KLHL35: variants seen among roughly 807,000 people sequenced by gnomAD.
KLHL35 encodes kelch-like protein 35.
A neutral mutation model predicts 44.0 loss-of-function variants in KLHL35; 50 were observed. The ratio of observed to expected loss-of-function variants is 1.14; its 90% CI spans 0.91 to 1.44. The LOEUF (loss-of-function observed/expected upper bound fraction) is 1.44. Ranked by LOEUF, KLHL35 falls within the 40% of genes most tolerant of loss-of-function variation. The pLI is 0.00. For missense variants in KLHL35, 1,049 were observed against 887.8 expected, an observed-to-expected ratio of 1.18 and a Z score of -2.31; for synonymous variants, 470 against 410.4, an observed-to-expected ratio of 1.15 and a Z score of -1.76.
rs1227015815 is a variant in KLHL35, at chr11:75,423,749, G to A, written c.1506C>T (p.Phe502=). The part of the protein sequence containing the change: ...YVMGGLMSKI[F]TYDPGTDVWG... ...ACACATCTGTGCCTGGATCATAGGT[G>A]AAGATTTTGCTCATGAGACCCCCCA... is the stretch of plus-strand genomic sequence containing the variant. The change falls in exon 6 of 7, where the codon TTC becomes TTT. Residue 502 remains phenylalanine (F), a synonymous_variant. Transcript: ENST00000539798. 1.2e-6 allele frequency: 2 copies of A among 1,613,888 alleles called. No homozygotes were observed. Among genetic ancestry groups the A allele is most frequent in the Non-Finnish European group, 1.7e-6 (2 of 1,179,854 alleles).
chr11:75,425,261 G>A, intron 5 of KLHL35, 132 bp downstream of exon 5: 1 of 985,620 alleles, frequency 1.0e-6, no homozygotes, highest in South Asian at 1.9e-5. Flanking sequence ...AAACATGGAG[G>A]TGACTGGTCT....
At chr11:75,432,956 C>T (rs889418281) in intron 1 of KLHL35, among the ~76,000 whole-genome samples, 87 bp downstream of exon 1, 25 of 152,224 alleles carry the variant, frequency 1.6e-4, no homozygotes, top group Non-Finnish European at 2.9e-4. Context: ...GCACCTCCTC[C>T]GCATCCTCCC....
At chr11:75,431,483 A>T (rs1948536527) in intron 1 of KLHL35, among the ~76,000 whole-genome samples, 1 of 152,078 alleles carries the variant, frequency 6.6e-6, no homozygotes, top group Admixed American at 6.5e-5. Flanking sequence ...GGAGTCAGGG[A>T]GGGCGTCCCT....
At position 75,425,406 on chromosome 11, in the gene KLHL35, A is replaced by T. The variant is rs908650826; in HGVS notation, c.1361T>A (p.Val454Asp). The T allele has an allele frequency of 1.9e-6, 3 of 1,555,510 alleles. No individual in the cohort carries two copies. Among genetic ancestry groups the T allele is most frequent in the African/African-American group, 2.7e-5 (2 of 73,398 alleles). The change falls in exon 5 of 7, where the codon GTC becomes GAC. Residue 454 changes from valine (V) to aspartate (D), a missense_variant. Val to Asp is a radical substitution (Grantham distance 152). Coordinates refer to ENST00000539798, the MANE Select transcript of KLHL35 (RefSeq NM_001039548.3). ...GCCCACGCCCACCTTGTCCGTGTTGACGCCGCCCTGCCTGGCGCCCCCAAT... is the reference window on the plus strand; with the variant it reads ...GCCCACGCCCACCTTGTCCGTGTTGTCGCCGCCCTGCCTGGCGCCCCCAAT... Reference protein sequence around the residue: ...FVIGGARQGGVNTDKVQCFDP... With the variant: ...FVIGGARQGGDNTDKVQCFDP...
intron 3 of KLHL35, chr11:75,426,950 C>T (rs575705162): frequency 9.7e-5 from 24 of 247,146 alleles, no homozygotes; most frequent in African/African-American, 5.0e-4. Context: ...AAGAGGGGGC[C>T]GCTGTACTAA....
At position 75,430,046 on chromosome 11, in the gene KLHL35, G is replaced by A; in HGVS notation, c.584C>T (p.Ala195Val). 5 of 1,410,622 alleles carry A rather than the reference G, an allele frequency of 3.5e-6. No individual in the cohort carries two copies. Among genetic ancestry groups the A allele is most frequent in the East Asian group, 6.3e-5 (2 of 31,768 alleles). 87.4% of individuals were successfully genotyped at this position (1,410,622 alleles called of 1,614,324 possible). A position where few individuals can be genotyped will look rare whatever the true frequency, so the allele number is the denominator to read the frequency against. The change falls in exon 2 of 7, where the codon GCG becomes GTG. Residue 195 changes from alanine (A) to valine (V), a missense_variant. Ala to Val is a moderately conservative substitution (Grantham distance 64). Transcript: ENST00000539798. ...VARHADFLEL[A>V]PDEVVALLAD... ...CAGCAGCGCCACCACCTCGTCAGGC[G>A]CCAGCTCCAGGAAGTCGGCGTGGCG...
In KLHL35 at chr11:75,422,687, C is replaced by T. The variant is rs752066959; in HGVS notation, c.1645G>A (p.Val549Ile). The T allele has an allele frequency of 5.0e-6, 8 of 1,614,036 alleles. No individual in the cohort carries two copies. The highest frequency in any genetic ancestry group is 6.8e-6 in the Non-Finnish European group (8 of 1,179,900). The change falls in exon 7 of 7, where the codon GTC becomes ATC. Residue 549 changes from valine to isoleucine, a missense_variant. Val to Ile is a conservative substitution (Grantham distance 29). Coordinates refer to ENST00000539798, the MANE Select transcript of KLHL35 (RefSeq NM_001039548.3). ...CCACTGCTGGGGTCAAAGGTGAAGA[C>T]CTTATCGGTGCTTTCTCCGCGATCA... ...RDDRGESTDK[V>I]FTFDPSSGQV... is the part of the protein sequence containing the mutation.
Position 75,430,205 on chromosome 11 carries a change from C to G in KLHL35, c.425G>C (p.Cys142Ser), listed in dbSNP as rs992318023. 14 of 1,237,612 alleles carry G rather than the reference C, an allele frequency of 1.1e-5. No individual in the cohort carries two copies. The East Asian group carries it at 1.6e-4, about 14-fold the overall frequency. 76.7% of individuals were successfully genotyped at this position (1,237,612 alleles called of 1,614,324 possible). A position where few individuals can be genotyped will look rare whatever the true frequency, so the allele number is the denominator to read the frequency against. ...CAGGCGGCCCTCGAGAAAGCGCACGCAGGCCTCGCGCAGGCCCGCCACGCC... is the reference window on the plus strand; with the variant it reads ...CAGGCGGCCCTCGAGAAAGCGCACGGAGGCCTCGCGCAGGCCCGCCACGCC... ...RLGVAGLREA[C>S]VRFLEGRLRA... is the part of the protein sequence containing the mutation. The change falls in exon 2 of 7, where the codon TGC (cysteine) becomes TCC (serine). Residue 142 changes from cysteine (C) to serine (S), a missense_variant. Physicochemically the swap from Cys to Ser is moderately radical, Grantham distance 112 (BLOSUM62 -1). Transcript: ENST00000539798.
chr11:75,426,464 C>A, intron 4 of KLHL35, 56 bp downstream of exon 4: 2 of 1,247,020 alleles, frequency 1.6e-6, no homozygotes, highest in Non-Finnish European at 2.2e-6. Context: ...CTCCCTCCAG[C>A]ACATCCACAG....
intron 2 of KLHL35, among the ~76,000 whole-genome samples, chr11:75,429,107 C>T (rs1948513591): frequency 6.6e-6 from 1 of 152,236 alleles, no homozygotes; most frequent in Non-Finnish European, 1.5e-5. Flanking sequence ...CTCCCTCCTC[C>T]TATGACATCC....
At position 75,425,538 on chromosome 11, in the gene KLHL35, C is replaced by T. The variant is rs959550015; in HGVS notation, c.1229G>A (p.Ser410Asn). ...GGAGAAGGGGTCGTAGCGCTCCACG[C>T]TGTGCAGGCGCCTCAGGCCGTCGAA... The part of the protein sequence containing the change: ...GGFDGLRRLH[S>N]VERYDPFSNT... Residue 410 changes from serine (S) to asparagine (N), a missense_variant, in exon 5 of 7, where the codon AGC (serine) becomes AAC (asparagine). Transcript: ENST00000539798. 3.9e-6 allele frequency: 6 copies of T among 1,528,438 alleles called. No homozygotes were observed. Among genetic ancestry groups the T allele is most frequent in the Admixed American group, 2.2e-5 (1 of 44,868 alleles). The allele number at this position is 1,528,438 out of a possible 1,614,324, so 94.7% of individuals were successfully genotyped here.
At position 75,425,540 on chromosome 11, in the gene KLHL35, G is replaced by T; in HGVS notation, c.1227C>A (p.His409Gln). ...AGAAGGGGTCGTAGCGCTCCACGCT[G>T]TGCAGGCGCCTCAGGCCGTCGAAGC... is the stretch of plus-strand genomic sequence containing the variant. ...VGGFDGLRRL[H>Q]SVERYDPFSN... The change falls in exon 5 of 7, where the codon CAC becomes CAA. Residue 409 changes from histidine (H) to glutamine (Q), a missense_variant. His to Gln is a conservative substitution (Grantham distance 24). Transcript: ENST00000539798. 3 of 1,511,184 alleles carry T rather than the reference G, an allele frequency of 2.0e-6. No homozygotes were observed. The highest frequency in any genetic ancestry group is 1.5e-5 in the African/African-American group (1 of 68,896). The allele number at this position is 1,511,184 out of a possible 1,614,324, so 93.6% of individuals were successfully genotyped here.
chr11:75,425,533 C>T lies in KLHL35; in HGVS notation c.1234G>A (p.Glu412Lys). 6.5e-7 allele frequency: 1 copy of T among 1,530,106 alleles called. No individual in the cohort carries two copies. Among genetic ancestry groups the T allele is most frequent in the Non-Finnish European group, 8.7e-7 (1 of 1,147,208 alleles). The allele number at this position is 1,530,106 out of a possible 1,614,324, so 94.8% of individuals were successfully genotyped here. Residue 412 changes from glutamate to lysine, a missense_variant, in exon 5 of 7, where the codon GAG (glutamate) becomes AAG (lysine). Glu to Lys is a moderately conservative substitution (Grantham distance 56). Coordinates refer to ENST00000539798, the MANE Select transcript of KLHL35 (RefSeq NM_001039548.3). Reference protein sequence around the residue: ...FDGLRRLHSVERYDPFSNTWA... With the variant: ...FDGLRRLHSVKRYDPFSNTWA... ...GTGTTGGAGAAGGGGTCGTAGCGCTCCACGCTGTGCAGGCGCCTCAGGCCG... is the reference window on the plus strand; with the variant it reads ...GTGTTGGAGAAGGGGTCGTAGCGCTTCACGCTGTGCAGGCGCCTCAGGCCG...
In KLHL35 at chr11:75,430,244, A is replaced by G. The variant is rs1039202479; in HGVS notation, c.386T>C (p.Leu129Pro). The G allele has an allele frequency of 6.3e-5, 76 of 1,215,784 alleles. No homozygotes were observed. The highest frequency in any genetic ancestry group is 7.4e-5 in the Non-Finnish European group (72 of 975,350). The allele number at this position is 1,215,784 out of a possible 1,614,324, so 75.3% of individuals were successfully genotyped here. ...AEDEAAAVLALAERLGVAGLR... is the reference protein window; with the variant it reads ...AEDEAAAVLAPAERLGVAGLR... The stretch of plus-strand genomic sequence containing the variant: ...GCCCGCCACGCCCAGCCGCTCCGCC[A>G]GCGCCAGCACGGCCGCCGCCTCGTC... Residue 129 changes from leucine (L) to proline (P), a missense_variant, in exon 2 of 7, where the codon CTG becomes CCG. By Grantham distance (98) the Leu-to-Pro change is moderately conservative. Transcript: ENST00000539798.
chr11:75,432,761 G>A (rs1323054367), intron 1 of KLHL35, among the ~76,000 whole-genome samples: 1 of 152,184 alleles, frequency 6.6e-6, no homozygotes, highest in African/African-American at 2.4e-5. Flanking sequence ...ACGACACCCA[G>A]TTGGAACACA....
At chr11:75,425,053 T>C (rs1948478038) in intron 5 of KLHL35, among the ~76,000 whole-genome samples, 2 of 151,228 alleles carry the variant, frequency 1.3e-5, no homozygotes, top group African/African-American at 4.9e-5. Flanking sequence ...TTTTTTTTTT[T>C]CTATTTTTCT....
intron 1 of KLHL35, among the ~76,000 whole-genome samples, chr11:75,432,562 C>T (rs1948545970): frequency 6.6e-6 from 1 of 152,176 alleles, no homozygotes; most frequent in African/African-American, 2.4e-5. Flanking sequence ...GGGCAGGTCT[C>T]ATCAGCATAA....
chr11:75,431,155 C>T (rs1466903305), intron 1 of KLHL35, among the ~76,000 whole-genome samples: 1 of 152,164 alleles, frequency 6.6e-6, no homozygotes, highest in Non-Finnish European at 1.5e-5. Flanking sequence ...CACAGAGACC[C>T]AGTGTGTGCA....
At chr11:75,425,690 A>C in intron 4 of KLHL35, 109 bp from the exon 5 acceptor site, 1 of 1,062,470 alleles carries the variant, frequency 9.4e-7, no homozygotes, top group Non-Finnish European at 1.3e-6. Context: ...CCTGTCCCCA[A>C]CCCAGTTTCA....
Sources: allele counts gnomAD v4.1 joint callset (sites outside exome capture counted in the v4.1 genomes callset), GRCh38; gene constraint gnomAD v4.1.1; transcripts MANE v1.5; gene names NCBI Gene and HGNC (gene_info 2026-07-23, HGNC 2026-07-21).